The following VAV1 variants were observed in gnomAD, a reference collection of about 807,000 sequenced individuals.
The protein encoded by VAV1 is vav guanine nucleotide exchange factor 1.
VAV1 carries 33 observed loss-of-function variants against 128.1 expected under a neutral mutation model. That is an observed-to-expected ratio of 0.26 (90% CI 0.20 to 0.34). The LOEUF is 0.34. VAV1 is among the 10% of genes least tolerant of loss of function. VAV1 has a pLI of 1.00. For synonymous variants in VAV1, 394 were observed against 409.8 expected, an observed-to-expected ratio of 0.96 and a Z score of 0.47; for missense variants, 715 against 1,093.7, an observed-to-expected ratio of 0.65 and a Z score of 4.88.
At chr19:6,778,157 G>A (rs985851790) in intron 1 of VAV1, among the ~76,000 whole-genome samples, 2 of 152,088 alleles carry the variant, frequency 1.3e-5, no homozygotes, top group East Asian at 3.8e-4. Context: ...GGCTGGTCTC[G>A]AACTCCTGAC....
Position 6,779,910 on chromosome 19 carries a change from G to T in VAV1, c.204+6899G>T, listed in dbSNP as rs902152323. On this transcript the variant is annotated intron_variant, in intron 1 of 26. Transcript: ENST00000602142. ...GCGGATCACAAGGTCAGGAGATCGA[G>T]ACCATCCTGGCTAACACGGTGAAAC... is the stretch of plus-strand genomic sequence containing the variant. 4.7e-5 allele frequency among the ~76,000 whole-genome samples: 7 copies of T among 149,486 alleles called. No homozygotes were observed. The East Asian group carries it at 1.4e-3, about 29-fold the overall frequency.
chr19:6,850,232 T>G (rs1972634434), intron 23 of VAV1, among the ~76,000 whole-genome samples: 2 of 131,908 alleles, frequency 1.5e-5, no homozygotes, highest in South Asian at 2.6e-4. Flanking sequence ...TTTGTTTTTT[T>G]TTTTTTTTTT....
At chr19:6,832,422 C>T (rs1972082603) in intron 15 of VAV1, among the ~76,000 whole-genome samples, 1 of 151,932 alleles carries the variant, frequency 6.6e-6, no homozygotes, top group Admixed American at 6.6e-5. Context: ...CTTCTCCTTT[C>T]CTCCTCCTCT....
intron 1 of VAV1, among the ~76,000 whole-genome samples, chr19:6,804,647 C>A (rs1352730436): frequency 2.0e-5 from 3 of 151,552 alleles, no homozygotes; most frequent in Non-Finnish European, 4.4e-5. Context: ...AAATTTCCGA[C>A]CTCAGGTGTT....
In VAV1 at chr19:6,773,522, C is replaced by T. The variant is rs1230070586; in HGVS notation, c.204+511C>T. 7.2e-5 allele frequency among the ~76,000 whole-genome samples: 11 copies of T among 152,308 alleles called. No individual in the cohort carries two copies. In the East Asian group the frequency reaches 2.1e-3, roughly 29 times the overall value. ...ATCTTCCTTCCCCTTGGCTTCCTGC[C>T]TGGGCCTGGGGCAGCATGGGGCAGG... On this transcript the variant is annotated intron_variant, in intron 1 of 26. Transcript: ENST00000602142.
intron 1 of VAV1, among the ~76,000 whole-genome samples, chr19:6,803,391 A>G (rs1322996045): frequency 6.6e-6 from 1 of 152,154 alleles, no homozygotes; most frequent in Admixed American, 6.6e-5. Flanking sequence ...TACCATCACA[A>G]TGGCAAACTG....
At position 6,828,533 on chromosome 19, in the gene VAV1, T is replaced by C. The variant is rs1167873380; in HGVS notation, c.1092+46T>C. 4 of 1,613,652 alleles carry C rather than the reference T, an allele frequency of 2.5e-6. No homozygotes were observed. In the African/African-American group the frequency reaches 5.3e-5, roughly 22 times the overall value. ...GGTGACTCACCTGCTGCAGACACCC[T>C]CCTGGTAGGGGCTGATCCTCTAGCC... is the stretch of plus-strand genomic sequence containing the variant. On this transcript the variant is annotated intron_variant, in intron 11 of 26. Coordinates refer to ENST00000602142, the MANE Select transcript of VAV1 (RefSeq NM_005428.4). The surrounding 1 kb of genome is among the most constrained non-coding windows in gnomAD (Gnocchi z 4.5).
At chr19:6,823,064 A>C (rs1036618470) in intron 6 of VAV1, among the ~76,000 whole-genome samples, 4 of 148,488 alleles carry the variant, frequency 2.7e-5, no homozygotes, top group Non-Finnish European at 4.5e-5. Flanking sequence ...ATATATGTCC[A>C]TATGTAGATA....
intron 1 of VAV1, among the ~76,000 whole-genome samples, chr19:6,814,674 T>TCCTTCCTTCCTTCCTTTCTCTCTCTCTC (rs1568299208): frequency 2.1e-5 from 2 of 95,234 alleles, no homozygotes; most frequent in African/African-American, 1.1e-4. Flanking sequence ...CTTCCTTCCT[T>TCCTTCCTTCCTTCCTTTCTCTCTCTCTC]TCTTTCTTTC....
intron 21 of VAV1, among the ~76,000 whole-genome samples, chr19:6,838,389 TTCTATCCA>T (rs1446975699): frequency 4.1e-5 from 5 of 123,062 alleles, no homozygotes; most frequent in Non-Finnish European, 6.9e-5. Flanking sequence ...CAATCAGTTC[TTCTATCCA>T]TCCATCCATC....
chr19:6,805,583 T>TACACACACACACACACACACAC (rs55732746), intron 1 of VAV1, among the ~76,000 whole-genome samples: 36 of 139,084 alleles, frequency 2.6e-4, no homozygotes, highest in Admixed American at 6.7e-4. Flanking sequence ...TTTCTACAGA[T>TACACACACACACACACACACAC]ACACACACAC....
intron 1 of VAV1, among the ~76,000 whole-genome samples, chr19:6,791,928 T>C (rs1459654235): frequency 2.7e-5 from 4 of 148,714 alleles, no homozygotes; most frequent in Admixed American, 2.7e-4. Flanking sequence ...AGGAAGGGAG[T>C]GAGTGGAGGG....
chr19:6,804,722 C>A (rs1038286195), intron 1 of VAV1, among the ~76,000 whole-genome samples: 2 of 141,418 alleles, frequency 1.4e-5, no homozygotes, highest in African/African-American at 5.3e-5. Flanking sequence ...CTTCCCATAC[C>A]TCCTTTTTTT....
intron 23 of VAV1, among the ~76,000 whole-genome samples, chr19:6,849,166 G>A (rs541567348): frequency 3.3e-5 from 5 of 151,532 alleles, no homozygotes; most frequent in Admixed American, 1.3e-4. Flanking sequence ...GCACAATGCT[G>A]AGGGTTGGGG....
chr19:6,784,740 C>T (rs1034905104), intron 1 of VAV1, among the ~76,000 whole-genome samples: 25 of 152,038 alleles, frequency 1.6e-4, no homozygotes, highest in Non-Finnish European at 2.9e-4. Context: ...GTGATCTACC[C>T]GCCTCGGCCT....
At chr19:6,819,999 G>A (rs1476977400) in intron 1 of VAV1, among the ~76,000 whole-genome samples, 2 of 152,268 alleles carry the variant, frequency 1.3e-5, no homozygotes, top group East Asian at 3.9e-4. Context: ...AACAAGAAAA[G>A]GAATGTTTTG....
intron 15 of VAV1, among the ~76,000 whole-genome samples, 174 bp downstream of exon 15, chr19:6,832,374 C>G (rs1972081003): frequency 6.6e-6 from 1 of 152,114 alleles, no homozygotes; most frequent in Non-Finnish European, 1.5e-5. Flanking sequence ...CCTTGGAATG[C>G]AGGGGTTGTG....
chr19:6,773,441 T>C (rs899153466), intron 1 of VAV1, among the ~76,000 whole-genome samples: 4 of 152,140 alleles, frequency 2.6e-5, no homozygotes, highest in African/African-American at 7.2e-5. Context: ...TCCGCCAACA[T>C]CTTCCCCCAC....
chr19:6,833,318 G>A, intron 16 of VAV1, 33 bp downstream of exon 16: 2 of 1,582,346 alleles, frequency 1.3e-6, no homozygotes, highest in Non-Finnish European at 1.7e-6. Flanking sequence ...CTGCATACCG[G>A]ACTTGGTCAT....
Sources: gnomAD v4.1 joint callset for allele counts (sites outside exome capture counted in the v4.1 genomes callset) on GRCh38, gnomAD v4.1.1 for gene constraint, Gnocchi (gnomAD v3.1) non-coding constraint, MANE v1.5 for transcripts, NCBI Gene and HGNC (gene_info 2026-07-23, HGNC 2026-07-21) for gene names.